ABCG2: variants seen among roughly 807,000 people sequenced by gnomAD.
ABCG2 encodes ATP binding cassette subfamily G member 2 (JR blood group).
Under a neutral mutation model 73.5 loss-of-function variants are expected in ABCG2, and 80 were observed. The ratio of observed to expected loss-of-function variants is 1.09; its 90% CI spans 0.91 to 1.31. ABCG2 has a LOEUF of 1.31. ABCG2 is among the 50% of genes most tolerant of loss of function. ABCG2 has a pLI of 0.00. For synonymous variants in ABCG2, 269 were observed against 282.4 expected (o/e 0.95, Z 0.48); for missense variants, 796 against 786.2 (o/e 1.01, Z -0.15).
At chr4:88,110,348 G>C (rs1553932674) in intron 9 of ABCG2, among the ~76,000 whole-genome samples, 1 of 152,050 alleles carries the variant, frequency 6.6e-6, no homozygotes, top group Non-Finnish European at 1.5e-5. Flanking sequence ...TTCGAAGCCA[G>C]CCTGGCCAAC....
chr4:88,198,409 A>T (rs1729023815), intron 1 of ABCG2, among the ~76,000 whole-genome samples: 3 of 152,068 alleles, frequency 2.0e-5, no homozygotes, highest in Admixed American at 2.0e-4. Context: ...CAGGCAGGAA[A>T]ATCAGTTGAA....
At chr4:88,150,191 C>T (rs1453430385) in intron 1 of ABCG2, among the ~76,000 whole-genome samples, 3 of 152,076 alleles carry the variant, frequency 2.0e-5, no homozygotes, top group Non-Finnish European at 4.4e-5. Flanking sequence ...GTGGCGCATA[C>T]CTGTAATTCC....
At chr4:88,217,254 G>A (rs1400582562) in intron 1 of ABCG2, among the ~76,000 whole-genome samples, 3 of 152,118 alleles carry the variant, frequency 2.0e-5, no homozygotes, top group African/African-American at 7.2e-5. Flanking sequence ...ACAGTGAATT[G>A]GCCTGCCTAA....
At chr4:88,121,874 A>G in intron 5 of ABCG2, 82 bp from the exon 6 acceptor site, 1 of 1,347,592 alleles carries the variant, frequency 7.4e-7, no homozygotes, top group Non-Finnish European at 1.0e-6. Flanking sequence ...CCAGTCCTGT[A>G]AGAGACACTT....
At position 88,139,795 on chromosome 4, in the gene ABCG2, G is replaced by T; in HGVS notation, c.201C>A (p.Ile67=). ...TTTTTACAAGTTCATGTACATACTT[G>T]ATATTCGATAATATTTCTTTCTCAA... ...KPVEKEILSN[I]NGIMKPGLNA... The change falls in exon 2 of 16, where the codon ATC becomes ATA. Residue 67 remains isoleucine (I), a splice_region_variant and synonymous_variant. Transcript: ENST00000237612. 6.2e-7 allele frequency: 1 copy of T among 1,612,954 alleles called. No individual in the cohort carries two copies. The highest frequency in any genetic ancestry group is 1.1e-5 in the South Asian group (1 of 90,906).
chr4:88,176,647 ATTTTTT>A (rs35728226), intron 1 of ABCG2, among the ~76,000 whole-genome samples: 2 of 90,162 alleles, frequency 2.2e-5, no homozygotes, highest in South Asian at 7.8e-4. Context: ...CACCTGGCTA[ATTTTTT>A]TTTTTTTTTT....
intron 1 of ABCG2, among the ~76,000 whole-genome samples, chr4:88,190,493 C>G (rs56328454): frequency 0.062 from 9,474 of 152,242 alleles, 405 homozygotes; most frequent in Middle Eastern, 0.11. Flanking sequence ...AAAGTCCCTT[C>G]CAATTCCACC....
rs1174857635 is a variant in ABCG2 at position 88,113,435 on chromosome 4, C to T, written c.1062G>A (p.Gly354=). 2 of 1,614,048 alleles carry T rather than the reference C, an allele frequency of 1.2e-6. No individual in the cohort carries two copies. Among genetic ancestry groups the T allele is most frequent in the Admixed American group, 3.3e-5 (2 of 59,996 alleles). ...CTGTGATCTTCTTCTTCTTCTCACC[C>T]CCGGAAAGTTGATGTAATTCAGCTT... ...ETKAELHQLS[G]GEKKKKITVF... Residue 354 remains glycine (G), a synonymous_variant, in exon 9 of 16, where the codon GGG becomes GGA. Transcript: ENST00000237612.
intron 12 of ABCG2, among the ~76,000 whole-genome samples, chr4:88,097,897 C>G (rs1351862218): frequency 6.6e-6 from 1 of 152,204 alleles, no homozygotes; most frequent in Non-Finnish European, 1.5e-5. Flanking sequence ...ACTGCCTTCT[C>G]TTTTCACAGG....
At chr4:88,215,782 C>T (rs576051027) in intron 1 of ABCG2, among the ~76,000 whole-genome samples, 71 of 152,246 alleles carry the variant, frequency 4.7e-4, no homozygotes, top group Non-Finnish European at 8.5e-4. Flanking sequence ...ATCATTAATT[C>T]GCTGCTTCCT....
intron 1 of ABCG2, among the ~76,000 whole-genome samples, chr4:88,192,455 C>T (rs144112958): frequency 3.9e-5 from 6 of 152,166 alleles, no homozygotes; most frequent in African/African-American, 1.4e-4. Flanking sequence ...GCTCCATCGC[C>T]CAGGCCCAGG....
At chr4:88,230,899 A>G (rs1446173608) in intron 1 of ABCG2, 1 of 152,194 alleles carries the variant, frequency 6.6e-6, no homozygotes, top group African/African-American at 2.4e-5. Context: ...AGAAGTACCA[A>G]TTTAAGTGAC....
At chr4:88,212,443 G>T (rs1578282676) in intron 1 of ABCG2, among the ~76,000 whole-genome samples, 1 of 152,148 alleles carries the variant, frequency 6.6e-6, no homozygotes, top group East Asian at 1.9e-4. Flanking sequence ...CTCCGAAAAC[G>T]ATCTCCCCAG....
chr4:88,123,607 G>A (rs1170803067), intron 5 of ABCG2, among the ~76,000 whole-genome samples: 1 of 151,972 alleles, frequency 6.6e-6, no homozygotes, highest in Non-Finnish European at 1.5e-5. Context: ...GTGAAGACAA[G>A]ATTAGAGAAA....
At chr4:88,210,245 G>C (rs950396936) in intron 1 of ABCG2, among the ~76,000 whole-genome samples, 2 of 151,814 alleles carry the variant, frequency 1.3e-5, no homozygotes, top group African/African-American at 4.8e-5. Flanking sequence ...GTTTAAGACA[G>C]TGCCTCTCTA....
At chr4:88,159,798 A>G (rs1444176171), upstream of ABCG2, among the ~76,000 whole-genome samples, 1 of 152,234 alleles carries the variant, frequency 6.6e-6, no homozygotes, top group Non-Finnish European at 1.5e-5. Flanking sequence ...TTTTAAATAT[A>G]CCATACCGCA....
intron 5 of ABCG2, among the ~76,000 whole-genome samples, chr4:88,125,109 G>T (rs867042342): frequency 6.6e-6 from 1 of 151,512 alleles, no homozygotes; most frequent in African/African-American, 2.4e-5. Context: ...TGGCTAACAC[G>T]GTGAAACCCC....
At chr4:88,206,811 C>T (rs1729397624) in intron 1 of ABCG2, among the ~76,000 whole-genome samples, 1 of 152,178 alleles carries the variant, frequency 6.6e-6, no homozygotes, top group South Asian at 2.1e-4. Context: ...ACCCAATAGT[C>T]CCATAGATTG....
chr4:88,169,662 C>T (rs1727678442), intron 1 of ABCG2, among the ~76,000 whole-genome samples: 1 of 152,024 alleles, frequency 6.6e-6, no homozygotes, highest in Non-Finnish European at 1.5e-5. Context: ...CACAAACAAA[C>T]CAGAAAAATA....
Sources: gnomAD v4.1 joint callset for allele counts (sites outside exome capture counted in the v4.1 genomes callset) on GRCh38, gnomAD v4.1.1 for gene constraint, MANE v1.5 for transcripts, NCBI Gene and HGNC (gene_info 2026-07-23, HGNC 2026-07-21) for gene names.